GRM3: variants seen among roughly 807,000 people sequenced by gnomAD.
The protein encoded by GRM3 is metabotropic glutamate receptor 3.
Under a neutral mutation model 70.5 loss-of-function variants are expected in GRM3, and 26 were observed. That is an observed-to-expected ratio of 0.37 (90% confidence interval 0.27 to 0.51). The LOEUF (loss-of-function observed/expected upper bound fraction) is 0.51. Ranked by LOEUF, GRM3 falls within the 20% of genes least tolerant of loss-of-function variation. The pLI, the probability that GRM3 is intolerant of heterozygous loss-of-function variation, is 0.93. For synonymous variants in GRM3, 443 were observed against 434.9 expected (o/e 1.02, Z -0.23); for missense variants, 859 against 1,123.8 (o/e 0.76, Z 3.37).
rs543678123 is a variant in GRM3 at position 86,699,644 on chromosome 7, G to A, written c.-141+54772G>A. Among the ~76,000 whole-genome samples the A allele has an allele frequency of 3.3e-5, 5 of 152,062 alleles. No individual in the cohort carries two copies. The South Asian group carries it at 1.0e-3, about 31-fold the overall frequency. On this transcript the variant is annotated intron_variant, in intron 1 of 5. Transcript: ENST00000361669. ...TGTCTTATTTATTCAATCACAAAAA[G>A]TTTTAGCATGAATATAAATTATACC...
intron 1 of GRM3, among the ~76,000 whole-genome samples, chr7:86,706,874 G>C (rs376610714): frequency 2.0e-5 from 3 of 152,126 alleles, no homozygotes; most frequent in African/African-American, 7.2e-5. Context: ...TTATTACTTT[G>C]TATTTCCTTA....
At chr7:86,755,823 G>T (rs1307211826) in intron 1 of GRM3, among the ~76,000 whole-genome samples, 2 of 152,110 alleles carry the variant, frequency 1.3e-5, no homozygotes, top group African/African-American at 4.8e-5. Context: ...TATACAGAGA[G>T]AAGTAAAATC....
chr7:86,762,531 G>GT (rs1057361461), intron 1 of GRM3, among the ~76,000 whole-genome samples: 1 of 152,096 alleles, frequency 6.6e-6, no homozygotes, highest in Non-Finnish European at 1.5e-5. Flanking sequence ...GTTTCATTGA[G>GT]TTTTTTTCTT....
intron 1 of GRM3, among the ~76,000 whole-genome samples, chr7:86,731,858 A>T (rs1402869138): frequency 1.3e-5 from 2 of 151,668 alleles, no homozygotes; most frequent in Non-Finnish European, 2.9e-5. Flanking sequence ...CCACATCTTA[A>T]TTTTTTTTTA....
chr7:86,791,407 A>G (rs981368712), intron 3 of GRM3, among the ~76,000 whole-genome samples: 1 of 152,172 alleles, frequency 6.6e-6, no homozygotes, highest in Non-Finnish European at 1.5e-5. Flanking sequence ...ACTCTCTTTT[A>G]GTTATATTCT....
At chr7:86,646,012 G>GTT (rs1793460378) in intron 1 of GRM3, among the ~76,000 whole-genome samples, 1 of 76,910 alleles carries the variant, frequency 1.3e-5, no homozygotes, top group African/African-American at 5.1e-5. Context: ...GGGGTGGGGG[G>GTT]GGGTGGGAGG....
chr7:86,658,851 T>TAA (rs776188702), intron 1 of GRM3, among the ~76,000 whole-genome samples: 3 of 138,724 alleles, frequency 2.2e-5, no homozygotes, highest in Admixed American at 7.2e-5. Context: ...CCTGTTATAC[T>TAA]AAAAAAAAAA....
chr7:86,810,415 GA>G (rs201953519), intron 3 of GRM3, among the ~76,000 whole-genome samples: 63 of 151,664 alleles, frequency 4.2e-4, no homozygotes, highest in African/African-American at 1.4e-3. Context: ...CTTTTATTCT[GA>G]AAAAAAATGT....
chr7:86,774,542 C>T (rs191220695), intron 2 of GRM3, among the ~76,000 whole-genome samples: 74 of 152,138 alleles, frequency 4.9e-4, no homozygotes, highest in African/African-American at 1.5e-3. Flanking sequence ...TCCAATAAAG[C>T]GAACTGCAAT....
intron 1 of GRM3, among the ~76,000 whole-genome samples, chr7:86,729,147 C>T (rs1348100887): frequency 6.6e-6 from 1 of 152,052 alleles, no homozygotes; most frequent in Non-Finnish European, 1.5e-5. Flanking sequence ...TTGAAGAATG[C>T]TGATGACCCT....
chr7:86,788,780 C>T (rs1220929992), intron 3 of GRM3, among the ~76,000 whole-genome samples: 1 of 152,166 alleles, frequency 6.6e-6, no homozygotes, highest in East Asian at 1.9e-4. Context: ...AGCACATACT[C>T]CCCATCAGAC....
At chr7:86,694,811 T>TCCCC (rs1794778674) in intron 1 of GRM3, among the ~76,000 whole-genome samples, 2 of 152,178 alleles carry the variant, frequency 1.3e-5, no homozygotes, top group Non-Finnish European at 2.9e-5. Context: ...CGCTTATTGT[T>TCCCC]TGACAAGCAA....
At chr7:86,664,907 G>C (rs1366399220) in intron 1 of GRM3, among the ~76,000 whole-genome samples, 1 of 152,042 alleles carries the variant, frequency 6.6e-6, no homozygotes, top group Non-Finnish European at 1.5e-5. Context: ...GTTCTGGCCA[G>C]CATTATTCAA....
chr7:86,720,203 G>C (rs1795423952), intron 1 of GRM3, among the ~76,000 whole-genome samples: 1 of 151,926 alleles, frequency 6.6e-6, no homozygotes, highest in South Asian at 2.1e-4. Flanking sequence ...TTGAATGTGA[G>C]GGATAAAGAA....
At chr7:86,672,428 C>T (rs963237394) in intron 1 of GRM3, among the ~76,000 whole-genome samples, 5 of 152,156 alleles carry the variant, frequency 3.3e-5, no homozygotes, top group African/African-American at 9.7e-5. Context: ...TCCTTCTGTG[C>T]ATAATATATA....
intron 2 of GRM3, among the ~76,000 whole-genome samples, chr7:86,768,445 A>G (rs752454844): frequency 7.9e-5 from 12 of 152,196 alleles, no homozygotes; most frequent in Non-Finnish European, 1.8e-4. Flanking sequence ...AAAGTCATAT[A>G]GAACACAGCC....
chr7:86,746,341 T>TTATATATA lies in GRM3; in HGVS notation c.-140-18638_-140-18631dup, dbSNP rs59930404. 2.1e-3 allele frequency among the ~76,000 whole-genome samples: 182 copies of TTATATATA among 87,418 alleles called. 3 individuals are homozygous for TTATATATA. In the East Asian group the frequency reaches 0.033, roughly 16 times the overall value. The allele number at this position is 87,418 out of a possible 152,430, so 57.3% of individuals were successfully genotyped here. Reference sequence around the variant, plus strand: ...TGACTAATAGAGGGTCAGTCATGTATTATATATATATATATATATATATAT... The same window carrying TTATATATA: ...TGACTAATAGAGGGTCAGTCATGTATTATATATATATATATATATATATATATATATAT... On this transcript the variant is annotated intron_variant, in intron 1 of 5. Coordinates refer to ENST00000361669, the MANE Select transcript of GRM3 (RefSeq NM_000840.3).
chr7:86,850,696 C>G (rs1335385381), intron 5 of GRM3, 152 bp downstream of exon 5: 1 of 645,986 alleles, frequency 1.5e-6, no homozygotes, highest in African/African-American at 1.8e-5. Flanking sequence ...AGGTATTGTG[C>G]TAAGTGCTGG....
At chr7:86,780,192 A>G (rs919807536) in intron 2 of GRM3, among the ~76,000 whole-genome samples, 1 of 152,320 alleles carries the variant, frequency 6.6e-6, no homozygotes, top group South Asian at 2.1e-4. Context: ...ATACGTGTGC[A>G]TGTGTCTTTA....
Sources: allele counts gnomAD v4.1 joint callset (sites outside exome capture counted in the v4.1 genomes callset), GRCh38; gene constraint gnomAD v4.1.1; transcripts MANE v1.5; gene names NCBI Gene and HGNC (gene_info 2026-07-23, HGNC 2026-07-21).